Variants in HLF observed in about 807,000 individuals in gnomAD.
HLF encodes hepatic leukemia factor.
Under a neutral mutation model 22.6 loss-of-function variants are expected in HLF, and 3 were observed. That is an observed-to-expected ratio of 0.13 (90% confidence interval 0.06 to 0.34). The LOEUF (loss-of-function observed/expected upper bound fraction) is 0.34, where lower values mean the gene tolerates loss of function less well. Ranked by LOEUF, HLF falls within the 10% of genes least tolerant of loss-of-function variation. The pLI is 1.00. For synonymous variants in HLF, 151 were observed against 151.8 expected (o/e 0.99, Z 0.04); for missense variants, 299 against 389.2 (o/e 0.77, Z 1.95).
chr17:55,272,308 G>A (rs1290577379), intron 2 of HLF: 2 of 152,184 alleles, frequency 1.3e-5, no homozygotes, highest in Non-Finnish European at 2.9e-5. Context: ...ATCCCTTTAG[G>A]GAAAGTCATC....
At chr17:55,317,657 G>GT (rs147711378) in intron 3 of HLF, among the ~76,000 whole-genome samples, 9,517 of 152,308 alleles carry the variant, frequency 0.062, 665 homozygotes, top group African/African-American at 0.17. Context: ...AAGCAGAGCT[G>GT]TAACATGTTT....
rs1269523113 is a variant in HLF at position 55,282,395 on chromosome 17, ACTT to A, written c.451+14314_451+14316del. On this transcript the variant is annotated intron_variant, in intron 2 of 3. Coordinates refer to ENST00000226067, the MANE Select transcript of HLF (RefSeq NM_002126.5). ...TAGGTGTTCAGCTTCTCTGGCTTTT[ACTT>A]CTTCATCTGTAAAATGGGAATAATC... is the stretch of plus-strand genomic sequence containing the variant. 3.3e-5 allele frequency among the ~76,000 whole-genome samples: 5 copies of A among 152,322 alleles called. 1 individual carries two copies. In the South Asian group the frequency reaches 1.0e-3, roughly 32 times the overall value.
rs1873828796 is a variant in HLF at position 55,321,614 on chromosome 17, A to G, written c.*735A>G. The G allele has an allele frequency of 8.8e-6, 2 of 228,264 alleles. No homozygotes were observed. Among genetic ancestry groups the G allele is most frequent in the Non-Finnish European group, 1.7e-5 (2 of 114,824 alleles). The allele number at this position is 228,264 out of a possible 1,614,324, so 14.1% of individuals were successfully genotyped here. ...TGTCTGTACCTAAAGCAATAATCCT[A>G]TTGTACGCTAGAGCATGCTGCCTGA... On this transcript the variant is annotated 3_prime_UTR_variant, in exon 4 of 4. Transcript: ENST00000226067.
rs1376014589 is a variant in HLF at position 55,312,583 on chromosome 17, AAC to A, written c.452-2643_452-2642del. 2.0e-5 allele frequency among the ~76,000 whole-genome samples: 3 copies of A among 152,242 alleles called. No homozygotes were observed. The East Asian group carries it at 5.8e-4, about 29-fold the overall frequency. On this transcript the variant is annotated intron_variant, in intron 2 of 3. Coordinates refer to ENST00000226067, the MANE Select transcript of HLF (RefSeq NM_002126.5). ...TGGTATATTGATAGATTAAAAAAGT[AAC>A]TTGAGATATGTGGGTAGTATAATAC...
In HLF at chr17:55,313,467, G is replaced by A. The variant is rs182776911; in HGVS notation, c.452-1760G>A. Among the ~76,000 whole-genome samples, 46 of 152,018 alleles carry A rather than the reference G, an allele frequency of 3.0e-4. No homozygotes were observed. The East Asian group carries it at 3.5e-3, about 11-fold the overall frequency. ...AACAATATTGGAGTACTAAGGAGGAGCTTGGAGCAATTCGATTTGGGAAGT... is the reference window on the plus strand; with the variant it reads ...AACAATATTGGAGTACTAAGGAGGAACTTGGAGCAATTCGATTTGGGAAGT... On this transcript the variant is annotated intron_variant, in intron 2 of 3. Transcript: ENST00000226067.
At chr17:55,266,881 C>G in intron 1 of HLF, 1 of 808,276 alleles carries the variant, frequency 1.2e-6, no homozygotes, top group Non-Finnish European at 1.5e-6. Context: ...ATACTTCCAA[C>G]ATAAATGTAT....
chr17:55,289,313 A>G (rs761873749), intron 2 of HLF, among the ~76,000 whole-genome samples: 2 of 152,302 alleles, frequency 1.3e-5, no homozygotes, highest in Non-Finnish European at 1.5e-5. Context: ...CTGACTCAAG[A>G]GTTGGAGCAG....
intron 2 of HLF, among the ~76,000 whole-genome samples, chr17:55,274,963 T>G (rs1329389381): frequency 6.6e-6 from 1 of 152,250 alleles, no homozygotes; most frequent in Non-Finnish European, 1.5e-5. Context: ...TCTCTCCTGC[T>G]TCTCTGCCAA....
chr17:55,293,406 G>A (rs932781443), intron 2 of HLF, among the ~76,000 whole-genome samples: 19 of 152,174 alleles, frequency 1.2e-4, no homozygotes, highest in African/African-American at 3.9e-4. Flanking sequence ...CTGCTGGCTG[G>A]TGAAGTCCTG....
intron 2 of HLF, among the ~76,000 whole-genome samples, chr17:55,312,129 C>T (rs533131487): frequency 2.0e-5 from 3 of 152,274 alleles, no homozygotes; most frequent in South Asian, 2.1e-4. Context: ...GATGAACATG[C>T]GAGTGCAGGT....
intron 2 of HLF, among the ~76,000 whole-genome samples, chr17:55,276,953 C>T (rs1248850804): frequency 6.6e-6 from 1 of 152,090 alleles, no homozygotes; most frequent in East Asian, 1.9e-4. Flanking sequence ...CTTTTCAAAA[C>T]ACGATGTTCT....
rs1048553048 is a variant in HLF, at chr17:55,316,582, A to G, written c.672+1135A>G. Among the ~76,000 whole-genome samples the G allele has an allele frequency of 7.9e-5, 12 of 152,236 alleles. No individual in the cohort carries two copies. In the South Asian group the frequency reaches 8.3e-4, roughly 11 times the overall value. On this transcript the variant is annotated intron_variant, in intron 3 of 3. Transcript: ENST00000226067. ...GGGCTGAAGGGGACCTTAGAGATTC[A>G]TTTGTCCAAAATTACCACTTGCAGT...
At chr17:55,270,656 C>CTTTT (rs10712714) in intron 2 of HLF, among the ~76,000 whole-genome samples, 5 of 84,746 alleles carry the variant, frequency 5.9e-5, no homozygotes, top group African/African-American at 8.4e-5. Context: ...TTGGGTAAAT[C>CTTTT]TTTTTTTTTT....
At position 55,324,049 on chromosome 17, in the gene HLF, G is replaced by T. The variant is rs1905364367; in HGVS notation, c.*3170G>T. 4.4e-6 allele frequency: 1 copy of T among 228,782 alleles called. No homozygotes were observed. Among genetic ancestry groups the T allele is most frequent in the Admixed American group, 5.7e-5 (1 of 17,582 alleles). 14.2% of individuals were successfully genotyped at this position (228,782 alleles called of 1,614,324 possible). On this transcript the variant is annotated 3_prime_UTR_variant, in exon 4 of 4. Transcript: ENST00000226067. ...CCTTAAGGAGGTAGTTTGTTGAGGGGAGGGCTGTAGATCATTACTTCTTTC... is the reference window on the plus strand; with the variant it reads ...CCTTAAGGAGGTAGTTTGTTGAGGGTAGGGCTGTAGATCATTACTTCTTTC...
At chr17:55,304,188 C>T (rs1474204564) in intron 2 of HLF, among the ~76,000 whole-genome samples, 1 of 152,074 alleles carries the variant, frequency 6.6e-6, no homozygotes, top group Non-Finnish European at 1.5e-5. Context: ...ATTTCCTTGC[C>T]CTAAGGTACT....
At chr17:55,267,362 C>T (rs142697786) in intron 1 of HLF, among the ~76,000 whole-genome samples, 11 of 152,320 alleles carry the variant, frequency 7.2e-5, no homozygotes, top group African/African-American at 2.6e-4. Flanking sequence ...GAAGATAATT[C>T]AAGCCTGGTT....
chr17:55,294,884 G>T (rs1343706031), intron 2 of HLF, among the ~76,000 whole-genome samples: 1 of 152,174 alleles, frequency 6.6e-6, no homozygotes. Flanking sequence ...TGTCAAGTCG[G>T]ATACACAGCT....
rs1335481026 is a variant in HLF at position 55,321,077 on chromosome 17, G to C, written c.*198G>C. The C allele has an allele frequency of 1.8e-6, 1 of 564,222 alleles. No individual in the cohort carries two copies. Among genetic ancestry groups the C allele is most frequent in the Non-Finnish European group, 3.2e-6 (1 of 313,640 alleles). 35.0% of individuals were successfully genotyped at this position (564,222 alleles called of 1,614,324 possible). A position where few individuals can be genotyped will look rare whatever the true frequency, so the allele number is the denominator to read the frequency against. On this transcript the variant is annotated 3_prime_UTR_variant, in exon 4 of 4. Coordinates refer to ENST00000226067, the MANE Select transcript of HLF (RefSeq NM_002126.5). Reference sequence around the variant, plus strand: ...CATGTGTGTGGTCAGCGGTATGTGCGTGTGCGTGTTCCTTTGCTCTTGCCA... The same window carrying C: ...CATGTGTGTGGTCAGCGGTATGTGCCTGTGCGTGTTCCTTTGCTCTTGCCA...
At chr17:55,280,802 C>T (rs759637302) in intron 2 of HLF, among the ~76,000 whole-genome samples, 1 of 152,092 alleles carries the variant, frequency 6.6e-6, no homozygotes, top group Non-Finnish European at 1.5e-5. Context: ...CAGAGGGAAA[C>T]GTGGCAGAGA....
Sources: allele counts gnomAD v4.1 joint callset (sites outside exome capture counted in the v4.1 genomes callset), GRCh38; gene constraint gnomAD v4.1.1; transcripts MANE v1.5; gene names NCBI Gene and HGNC (gene_info 2026-07-23, HGNC 2026-07-21).